Variants in IYD observed in about 807,000 individuals in gnomAD.
The protein encoded by IYD is iodotyrosine deiodinase 1.
IYD carries 25 observed loss-of-function variants against 28.4 expected under a neutral mutation model. The observed-to-expected ratio is 0.88, with a 90% confidence interval of 0.64 to 1.23. The LOEUF is 1.23. IYD is among the 50% of genes most tolerant of loss of function. The pLI is 0.00. For synonymous variants in IYD, 140 were observed against 130.8 expected (o/e 1.07, Z -0.48); for missense variants, 352 against 357.9 (o/e 0.98, Z 0.13).
Position 150,403,455 on chromosome 6 carries a change from T to C in IYD, c.*5218T>C, listed in dbSNP as rs72998970. 9,280 of 152,292 alleles carry C rather than the reference T, an allele frequency of 0.061. 304 individuals are homozygous for C. Among genetic ancestry groups the C allele is most frequent in the African/African-American group, 0.074 (3,063 of 41,552 alleles). 9.4% of individuals were successfully genotyped at this position (152,292 alleles called of 1,614,324 possible). On this transcript the variant is annotated 3_prime_UTR_variant, in exon 5 of 5. Transcript: ENST00000344419. ...GGACACTCAAAAAACGTTGCGTTTA[T>C]CTACCTTTTAGAGAGGGTGAATAGC... is the stretch of plus-strand genomic sequence containing the variant.
chr6:150,391,730 CAG>C, intron 2 of IYD, among the ~76,000 whole-genome samples: 1 of 152,196 alleles, frequency 6.6e-6, no homozygotes, highest in South Asian at 2.1e-4. Flanking sequence ...TTTTTTGAGA[CAG>C]AGTTTCATTC....
At chr6:150,394,011 T>G in intron 3 of IYD, 88 bp from the exon 4 acceptor site, 2 of 1,326,526 alleles carry the variant, frequency 1.5e-6, no homozygotes, top group Non-Finnish European at 1.1e-6. Context: ...GTAAATATGT[T>G]TTTATTTTTA....
At chr6:150,379,579 T>TA (rs1463498456) in intron 1 of IYD, among the ~76,000 whole-genome samples, 1 of 152,236 alleles carries the variant, frequency 6.6e-6, no homozygotes, top group East Asian at 1.9e-4. Context: ...CATTTGCTGC[T>TA]TTGTTTAAAT....
intron 1 of IYD, among the ~76,000 whole-genome samples, chr6:150,383,602 A>T (rs1777733520): frequency 1.3e-5 from 2 of 152,190 alleles, no homozygotes; most frequent in South Asian, 4.1e-4. Context: ...AAAATCCTTT[A>T]ACAGATGCCA....
At chr6:150,372,579 T>TG (rs1161311691) in intron 1 of IYD, among the ~76,000 whole-genome samples, 1 of 17,180 alleles carries the variant, frequency 5.8e-5, no homozygotes, top group Non-Finnish European at 8.1e-5. Flanking sequence ...GTGGGCGGTG[T>TG]GGGGGGTGGT....
At position 150,381,171 on chromosome 6, in the gene IYD, T is replaced by C. The variant is rs540331072; in HGVS notation, c.179-8181T>C. Among the ~76,000 whole-genome samples the C allele has an allele frequency of 3.3e-5, 5 of 152,362 alleles. No individual in the cohort carries two copies. The South Asian group carries it at 1.0e-3, about 32-fold the overall frequency. On this transcript the variant is annotated intron_variant, in intron 1 of 4. Coordinates refer to ENST00000344419, the MANE Select transcript of IYD (RefSeq NM_203395.3). ...CTCATTGTATTAAACTCCAAATCTT[T>C]CTTGAAAGTATTGATATTTTAAACA...
chr6:150,379,360 T>C (rs1015860397), intron 1 of IYD, among the ~76,000 whole-genome samples: 2 of 152,224 alleles, frequency 1.3e-5, no homozygotes, highest in Non-Finnish European at 1.5e-5. Flanking sequence ...ACAGCGTCTG[T>C]ATGGATCTGC....
chr6:150,383,797 AAAAAAAAAAAACAAAAAC>A (rs1447755846), intron 1 of IYD, among the ~76,000 whole-genome samples: 5 of 85,714 alleles, frequency 5.8e-5, no homozygotes, highest in African/African-American at 1.7e-4. Flanking sequence ...AGTCTCTAAA[AAAAAAAAAAAACAAAAAC>A]AAAAACAAAA....
At chr6:150,377,075 A>G (rs1436081388) in intron 1 of IYD, among the ~76,000 whole-genome samples, 13 of 152,194 alleles carry the variant, frequency 8.5e-5, no homozygotes, top group Admixed American at 8.5e-4. Flanking sequence ...CACCAGGTCA[A>G]GTGCCAAGTG....
At chr6:150,370,500 C>T (rs1008116657) in intron 1 of IYD, 18 of 985,288 alleles carry the variant, frequency 1.8e-5, no homozygotes, top group Non-Finnish European at 2.2e-5. Context: ...CCAGCTGGCT[C>T]TCAGTGCTAA....
chr6:150,376,540 A>G (rs948026873), intron 1 of IYD, among the ~76,000 whole-genome samples: 4 of 152,184 alleles, frequency 2.6e-5, no homozygotes, highest in East Asian at 1.9e-4. Context: ...AAGTCTTCTC[A>G]TTATGCAGGT....
chr6:150,373,450 A>G (rs1460015533), intron 1 of IYD, among the ~76,000 whole-genome samples: 1 of 152,168 alleles, frequency 6.6e-6, no homozygotes, highest in Non-Finnish European at 1.5e-5. Context: ...CAGAGTCTCA[A>G]CCAAATGACA....
intron 1 of IYD, among the ~76,000 whole-genome samples, chr6:150,374,805 G>A (rs1777386526): frequency 1.3e-5 from 2 of 152,180 alleles, no homozygotes; most frequent in African/African-American, 4.8e-5. Context: ...CCTCAGAGAT[G>A]AGAATGCTCC....
At chr6:150,390,083 A>G (rs1311117008) in intron 2 of IYD, among the ~76,000 whole-genome samples, 3 of 152,224 alleles carry the variant, frequency 2.0e-5, no homozygotes, top group Admixed American at 1.3e-4. Context: ...CTGAGGAAAA[A>G]AAATCAGAGC....
At chr6:150,387,696 T>G (rs1044083948) in intron 1 of IYD, among the ~76,000 whole-genome samples, 1 of 152,142 alleles carries the variant, frequency 6.6e-6, no homozygotes, top group African/African-American at 2.4e-5. Flanking sequence ...CCCAGTTCAT[T>G]AATTTTTCTG....
Position 150,398,134 on chromosome 6 carries a change from ATGAAAAGCTGC to A in IYD, c.771_781del (p.Glu257AspfsTer16). The A allele has an allele frequency of 1.2e-6, 2 of 1,614,220 alleles. No homozygotes were observed. The highest frequency in any genetic ancestry group is 4.5e-5 in the East Asian group (2 of 44,888). On this transcript the variant is annotated frameshift_variant, in exon 5 of 5. Transcript: ENST00000344419. LOFTEE classifies it high-confidence loss of function. ...AGGGTGCTCCTGGGCCGCCCCGCAC[ATGAAAAGCTGC>A]TGATGCTGCTCCCCGTGGGGTACCC...
chr6:150,396,965 A>G (rs548161932), intron 4 of IYD: 2 of 152,444 alleles, frequency 1.3e-5, no homozygotes, highest in East Asian at 1.9e-4. Flanking sequence ...ATGATAAAGT[A>G]GAGCTAATGA....
intron 2 of IYD, among the ~76,000 whole-genome samples, chr6:150,392,025 G>A (rs769002208): frequency 1.3e-4 from 20 of 151,246 alleles, no homozygotes; most frequent in Non-Finnish European, 2.4e-4. Context: ...GAATTACTAC[G>A]TTTATCCTTA....
At chr6:150,390,209 C>T (rs906444523) in intron 2 of IYD, among the ~76,000 whole-genome samples, 3 of 152,106 alleles carry the variant, frequency 2.0e-5, no homozygotes, top group East Asian at 3.9e-4. Flanking sequence ...TTATCACATG[C>T]CCGTTATTAA....
Sources: allele counts gnomAD v4.1 joint callset (sites outside exome capture counted in the v4.1 genomes callset), GRCh38; gene constraint gnomAD v4.1.1; transcripts MANE v1.5; gene names NCBI Gene and HGNC (gene_info 2026-07-23, HGNC 2026-07-21).